Variants in C8orf34 observed in about 807,000 individuals in gnomAD.
C8orf34 encodes the protein chromosome 8 open reading frame 34.
A neutral mutation model predicts 68.3 loss-of-function variants in C8orf34; 65 were observed. That is an observed-to-expected ratio of 0.95 (90% CI 0.78 to 1.17). The LOEUF is 1.17. Ranked by LOEUF, C8orf34 falls within the 50% of genes most tolerant of loss-of-function variation. The pLI is 0.00. For synonymous variants in C8orf34, 244 were observed against 241.2 expected (o/e 1.01, Z -0.11); for missense variants, 664 against 655.4 (o/e 1.01, Z -0.14).
chr8:68,413,749 C>A, intron 1 of C8orf34, among the ~76,000 whole-genome samples: 1 of 152,194 alleles, frequency 6.6e-6, no homozygotes, highest in East Asian at 1.9e-4. Flanking sequence ...CTCACTTACA[C>A]CACCACTATA....
chr8:68,653,822 G>A (rs78245598), intron 8 of C8orf34, among the ~76,000 whole-genome samples: 12 of 152,178 alleles, frequency 7.9e-5, no homozygotes, highest in African/African-American at 2.6e-4. Flanking sequence ...ATAATGGGCT[G>A]ACACATACAT....
chr8:68,505,738 C>CAAAAA (rs778441254), intron 5 of C8orf34, among the ~76,000 whole-genome samples: 1 of 68,346 alleles, frequency 1.5e-5, no homozygotes. Context: ...ACTCCGTCTC[C>CAAAAA]AAAAAAAAAA....
intron 10 of C8orf34, among the ~76,000 whole-genome samples, chr8:68,747,967 A>C (rs986205535): frequency 1.3e-5 from 2 of 151,876 alleles, no homozygotes; most frequent in Non-Finnish European, 2.9e-5. Context: ...GAGACATCAC[A>C]CTACCTGACT....
At chr8:68,525,645 A>T in intron 6 of C8orf34, 1 of 711,746 alleles carries the variant, frequency 1.4e-6, no homozygotes, top group Non-Finnish European at 2.6e-6. Context: ...TTATGCTGCC[A>T]TTTTTCTAGA....
chr8:68,478,641 C>A (rs1307358454), intron 4 of C8orf34, among the ~76,000 whole-genome samples: 1 of 152,144 alleles, frequency 6.6e-6, no homozygotes, highest in Non-Finnish European at 1.5e-5. Flanking sequence ...GATTCACAGT[C>A]CTACATGGCT....
At chr8:68,505,738 C>CAAAAAAA (rs778441254) in intron 5 of C8orf34, among the ~76,000 whole-genome samples, 3 of 68,296 alleles carry the variant, frequency 4.4e-5, no homozygotes, top group African/African-American at 1.4e-4. Flanking sequence ...ACTCCGTCTC[C>CAAAAAAA]AAAAAAAAAA....
chr8:68,336,561 T>A (rs1011937729), intron 1 of C8orf34, among the ~76,000 whole-genome samples: 1 of 152,112 alleles, frequency 6.6e-6, no homozygotes, highest in Non-Finnish European at 1.5e-5. Flanking sequence ...TAGAAACAGG[T>A]ATAGATGTAA....
chr8:68,553,509 G>A (rs887056640), intron 7 of C8orf34, among the ~76,000 whole-genome samples: 31 of 151,676 alleles, frequency 2.0e-4, no homozygotes, highest in Non-Finnish European at 5.9e-5. Context: ...TGTATCTGGA[G>A]TTTTAAATTG....
rs532371678 is a variant in C8orf34, at chr8:68,661,738, A to G, written c.1241+21227A>G. Among the ~76,000 whole-genome samples, 16 of 152,186 alleles carry G rather than the reference A, an allele frequency of 1.1e-4. No individual in the cohort carries two copies. The East Asian group carries it at 3.1e-3, about 30-fold the overall frequency. On this transcript the variant is annotated intron_variant, in intron 8 of 13. Coordinates refer to ENST00000518698, the MANE Select transcript of C8orf34 (RefSeq NM_052958.4). ...CATGTTTAGGTAAGCCCGTTGTGCA[A>G]GAACCCTTATCTGCAAAAAATATCT...
At chr8:68,591,592 A>G (rs563611163) in intron 7 of C8orf34, among the ~76,000 whole-genome samples, 1 of 152,344 alleles carries the variant, frequency 6.6e-6, no homozygotes, top group African/African-American at 2.4e-5. Context: ...TCTACACATT[A>G]TAATGTATTC....
At chr8:68,794,060 T>G (rs1431971918) in intron 12 of C8orf34, among the ~76,000 whole-genome samples, 2 of 152,318 alleles carry the variant, frequency 1.3e-5, no homozygotes, top group East Asian at 3.9e-4. Context: ...TATGAGGGTC[T>G]TTAAACTTAT....
chr8:68,407,626 A>G (rs939011767), intron 1 of C8orf34, among the ~76,000 whole-genome samples: 4 of 152,142 alleles, frequency 2.6e-5, no homozygotes, highest in Non-Finnish European at 5.9e-5. Flanking sequence ...TCTTCAGCTT[A>G]GGGAATTATT....
intron 1 of C8orf34, among the ~76,000 whole-genome samples, chr8:68,414,304 C>T (rs961285429): frequency 1.3e-5 from 2 of 152,064 alleles, no homozygotes; most frequent in Non-Finnish European, 1.5e-5. Context: ...AACTCTAGAC[C>T]ATGCCAGCCT....
chr8:68,769,449 A>G (rs937055721), intron 10 of C8orf34, among the ~76,000 whole-genome samples: 1 of 151,908 alleles, frequency 6.6e-6, no homozygotes, highest in Non-Finnish European at 1.5e-5. Context: ...TTTTAGTATT[A>G]CAAAGGTAAT....
intron 7 of C8orf34, among the ~76,000 whole-genome samples, chr8:68,608,167 C>G (rs1817911145): frequency 6.6e-6 from 1 of 151,916 alleles, no homozygotes; most frequent in Admixed American, 6.6e-5. Context: ...GTTCTGTACT[C>G]TGTATGTGGG....
intron 1 of C8orf34, among the ~76,000 whole-genome samples, chr8:68,364,781 C>A (rs1174849180): frequency 2.0e-5 from 3 of 147,632 alleles, no homozygotes; most frequent in East Asian, 4.1e-4. Flanking sequence ...TAAATGCCCA[C>A]AAGAGAAAGC....
chr8:68,527,544 G>C (rs943333250), intron 6 of C8orf34, among the ~76,000 whole-genome samples: 2 of 152,082 alleles, frequency 1.3e-5, no homozygotes, highest in African/African-American at 2.4e-5. Flanking sequence ...TGCACTCCAG[G>C]CTGGGTGACA....
At chr8:68,516,315 A>G (rs912563193) in intron 5 of C8orf34, among the ~76,000 whole-genome samples, 1 of 152,220 alleles carries the variant, frequency 6.6e-6, no homozygotes, top group South Asian at 2.1e-4. Flanking sequence ...GTTTATTTTC[A>G]TGAAATCAGA....
At chr8:68,349,765 G>C (rs954876049) in intron 1 of C8orf34, among the ~76,000 whole-genome samples, 1 of 149,970 alleles carries the variant, frequency 6.7e-6, no homozygotes, top group Non-Finnish European at 1.5e-5. Context: ...GTGTGTAATA[G>C]TTTCTGATGG....
Sources: allele counts gnomAD v4.1 joint callset (sites outside exome capture counted in the v4.1 genomes callset), GRCh38; gene constraint gnomAD v4.1.1; transcripts MANE v1.5; gene names NCBI Gene and HGNC (gene_info 2026-07-23, HGNC 2026-07-21).